Variants in HOXA3 observed in about 807,000 individuals in gnomAD.
HOXA3 encodes the protein homeobox A3, also known as homeobox protein Hox-A3.
HOXA3 carries 8 observed loss-of-function variants against 30.3 expected under a neutral mutation model. The ratio of observed to expected loss-of-function variants is 0.26; its 90% CI spans 0.15 to 0.48. HOXA3 has a LOEUF of 0.48. HOXA3 is among the 20% of genes least tolerant of loss of function. The pLI is 0.99. For synonymous variants in HOXA3, 323 were observed against 273.1 expected, an observed-to-expected ratio of 1.18 and a Z score of -1.80; for missense variants, 653 against 614.4, an observed-to-expected ratio of 1.06 and a Z score of -0.66.
chr7:27,119,147 ACCC>A (rs35394199), intron 4 of HOXA3, among the ~76,000 whole-genome samples: 26 of 107,234 alleles, frequency 2.4e-4, no homozygotes, highest in Admixed American at 1.6e-3. Flanking sequence ...TCTGCAAGAG[ACCC>A]CCCCCCCCAA....
chr7:27,137,520 G>A (rs906363803), intron 2 of HOXA3, among the ~76,000 whole-genome samples: 8 of 152,044 alleles, frequency 5.3e-5, no homozygotes, highest in African/African-American at 1.7e-4. Context: ...TCCTCTGCAA[G>A]AACAACCCAA....
rs1471401198 is a variant in HOXA3, at chr7:27,152,423, C to T, written c.-629G>A. On this transcript the variant is annotated 5_prime_UTR_variant, in exon 1 of 6. Coordinates refer to ENST00000612286, the MANE Select transcript of HOXA3 (RefSeq NM_153631.3). ...AGGTTGCGAGTTGCAAAGCTGCTGC[C>T]GCGGCGCCGGGAACGGAGCGCGCCC... The T allele has an allele frequency of 4.0e-5, 46 of 1,153,926 alleles. No homozygotes were observed. Among genetic ancestry groups the T allele is most frequent in the Non-Finnish European group, 4.7e-5 (43 of 922,056 alleles). The allele number at this position is 1,153,926 out of a possible 1,614,324, so 71.5% of individuals were successfully genotyped here.
At chr7:27,120,536 C>CAAAA (rs5883061) in intron 4 of HOXA3, among the ~76,000 whole-genome samples, 4 of 84,252 alleles carry the variant, frequency 4.7e-5, no homozygotes, top group African/African-American at 4.7e-5. Flanking sequence ...GCGACTCTGT[C>CAAAA]AAAAAAAAAA....
At position 27,108,190 on chromosome 7, in the gene HOXA3, C is replaced by T. The variant is rs867211343; in HGVS notation, c.1057G>A (p.Gly353Ser). ...TGTATGTGTGGGGTCCCATAGCTGC[C>T]GTTGCCCTGCAGGCCATGAGCGTGC... is the stretch of plus-strand genomic sequence containing the variant. ...DPHAHGLQGN[G>S]SYGTPHIQGS... The change falls in exon 6 of 6, where the codon GGC becomes AGC. Residue 353 changes from glycine (G) to serine (S), a missense_variant. Physicochemically the swap from Gly to Ser is moderately conservative, Grantham distance 56. Around this residue, in one of 3 missense-constraint regions of HOXA3, gnomAD observed 330 missense variants for 274.4 expected, o/e 1.20. Coordinates refer to ENST00000612286, the MANE Select transcript of HOXA3 (RefSeq NM_153631.3). The surrounding 1 kb of genome is among the most constrained non-coding windows in gnomAD (Gnocchi z 5.0). 1.9e-6 allele frequency: 3 copies of T among 1,546,790 alleles called. No individual in the cohort carries two copies. Among genetic ancestry groups the T allele is most frequent in the Middle Eastern group, 1.7e-4 (1 of 5,722 alleles).
chr7:27,132,717 A>G (rs1418233008), intron 2 of HOXA3, among the ~76,000 whole-genome samples: 1 of 152,230 alleles, frequency 6.6e-6, no homozygotes, highest in Admixed American at 6.5e-5. Context: ...ACCTGAACCA[A>G]TATCTCTCCC....
chr7:27,129,306 T>C, intron 2 of HOXA3: 1 of 1,614,060 alleles, frequency 6.2e-7, no homozygotes, highest in Non-Finnish European at 8.5e-7. Flanking sequence ...GTGCTTTCCC[T>C]GGTGGGCCGG....
chr7:27,120,536 C>CAAAAA (rs5883061), intron 4 of HOXA3, among the ~76,000 whole-genome samples: 1 of 84,254 alleles, frequency 1.2e-5, no homozygotes, highest in Non-Finnish European at 2.3e-5. Flanking sequence ...GCGACTCTGT[C>CAAAAA]AAAAAAAAAA....
At chr7:27,143,551 G>GT in intron 1 of HOXA3, 1 of 1,611,218 alleles carries the variant, frequency 6.2e-7, no homozygotes, top group Non-Finnish European at 8.5e-7. Context: ...TATGCAACTG[G>GT]TAGTCCGGGC....
At chr7:27,120,536 CAAA>C (rs5883061) in intron 4 of HOXA3, among the ~76,000 whole-genome samples, 101 of 84,208 alleles carry the variant, frequency 1.2e-3, no homozygotes, top group African/African-American at 3.9e-3. Flanking sequence ...GCGACTCTGT[CAAA>C]AAAAAAAAAA....
At chr7:27,143,827 T>C (rs1004517423) in intron 1 of HOXA3, among the ~76,000 whole-genome samples, 6 of 151,914 alleles carry the variant, frequency 3.9e-5, no homozygotes, top group East Asian at 2.0e-4. Context: ...CGTGCACTAA[T>C]AGGGGAGTTG....
In HOXA3 at chr7:27,152,447, C is replaced by G. The variant is rs938185990; in HGVS notation, c.-653G>C. 1.7e-6 allele frequency: 2 copies of G among 1,156,864 alleles called. No individual in the cohort carries two copies. Among genetic ancestry groups the G allele is most frequent in the Non-Finnish European group, 1.1e-6 (1 of 924,382 alleles). 71.7% of individuals were successfully genotyped at this position (1,156,864 alleles called of 1,614,324 possible). A position where few individuals can be genotyped will look rare whatever the true frequency, so the allele number is the denominator to read the frequency against. On this transcript the variant is annotated 5_prime_UTR_variant, in exon 1 of 6. Transcript: ENST00000612286. Reference sequence around the variant, plus strand: ...CCGCGGCGCCGGGAACGGAGCGCGCCCAATCTCCAGCGGGAGCCGCCAGGC... The same window carrying G: ...CCGCGGCGCCGGGAACGGAGCGCGCGCAATCTCCAGCGGGAGCCGCCAGGC...
chr7:27,139,371 G>T (rs1397871663), intron 2 of HOXA3, among the ~76,000 whole-genome samples: 1 of 152,154 alleles, frequency 6.6e-6, no homozygotes, highest in African/African-American at 2.4e-5. Context: ...GGTCCTCAGG[G>T]TCCAGTGGGC....
chr7:27,122,903 T>G (rs1326352259), intron 3 of HOXA3: 1 of 103,196 alleles, frequency 9.7e-6, no homozygotes, highest in Non-Finnish European at 2.3e-5. Context: ...TCCTTTTTCT[T>G]TCTTTTTTTT....
chr7:27,125,972 T>G (rs1376053380), intron 3 of HOXA3, among the ~76,000 whole-genome samples: 1 of 152,158 alleles, frequency 6.6e-6, no homozygotes, highest in African/African-American at 2.4e-5. Flanking sequence ...CTGGGACAAC[T>G]GGGTATGAAG....
chr7:27,147,862 G>T (rs1348763840), intron 1 of HOXA3: 16 of 948,326 alleles, frequency 1.7e-5, no homozygotes, highest in Admixed American at 2.9e-5. Flanking sequence ...AAAAGCGACA[G>T]CAGCAAATCG....
intron 2 of HOXA3, among the ~76,000 whole-genome samples, chr7:27,137,484 GAC>G (rs1329347541): frequency 2.6e-5 from 4 of 152,148 alleles, no homozygotes; most frequent in Non-Finnish European, 2.9e-5. Context: ...AGCCCTCAGT[GAC>G]AGACATATTT....
rs778107219 is a variant in HOXA3, at chr7:27,108,127, G to T, written c.1120C>A (p.Pro374Thr). The change falls in exon 6 of 6, where the codon CCC becomes ACC. Residue 374 changes from proline to threonine, a missense_variant. By Grantham distance (38) the Pro-to-Thr change is conservative (BLOSUM62 -1). Transcript: ENST00000612286. The surrounding 1 kb of genome is among the most constrained non-coding windows in gnomAD (Gnocchi z 5.0). ...PVFVGGSYVEPMSNSGPALFG... is the reference protein window; with the variant it reads ...PVFVGGSYVETMSNSGPALFG... ...AGGGCTGGCCCGGAGTTGCTCATGGGCTCCACATAGCTGCCCCCCACGAAG... is the reference window on the plus strand; with the variant it reads ...AGGGCTGGCCCGGAGTTGCTCATGGTCTCCACATAGCTGCCCCCCACGAAG... 6 of 1,599,258 alleles carry T rather than the reference G, an allele frequency of 3.8e-6. No homozygotes were observed. In the Admixed American group the frequency reaches 6.9e-5, roughly 18 times the overall value.
chr7:27,110,369 T>G lies in HOXA3; in HGVS notation c.272A>C (p.His91Pro), dbSNP rs1477274540. 3 of 1,511,426 alleles carry G rather than the reference T, an allele frequency of 2.0e-6. No individual in the cohort carries two copies. In the Admixed American group the frequency reaches 6.3e-5, roughly 32 times the overall value. 93.6% of individuals were successfully genotyped at this position (1,511,426 alleles called of 1,614,324 possible). The change falls in exon 5 of 6, where the codon CAC becomes CCC. Residue 91 changes from histidine to proline, a missense_variant. His to Pro is a moderately conservative substitution (Grantham distance 77). Transcript: ENST00000612286. Reference sequence around the variant, plus strand: ...GGGCGCGGCCTGGGGCGGCGGCGGGTGCAGGGGCGGCTCTCCCAGGCTTGG... The same window carrying G: ...GGGCGCGGCCTGGGGCGGCGGCGGGGGCAGGGGCGGCTCTCCCAGGCTTGG... ...QPPSLGEPPL[H>P]PPPPQAAPPA... is the part of the protein sequence containing the mutation.
chr7:27,130,214 C>T (rs1404705406), intron 2 of HOXA3: 1 of 1,525,248 alleles, frequency 6.6e-7, no homozygotes, highest in Non-Finnish European at 8.8e-7. Flanking sequence ...AGCGGGCACG[C>T]GGGGGCGCTG....
Sources: allele counts gnomAD v4.1 joint callset (sites outside exome capture counted in the v4.1 genomes callset), GRCh38; gene constraint gnomAD v4.1.1; regional missense constraint gnomAD v4.1.1; non-coding constraint Gnocchi (gnomAD v3.1); transcripts MANE v1.5; gene names NCBI Gene and HGNC (gene_info 2026-07-23, HGNC 2026-07-21).